Variants in RPS16 observed in about 807,000 individuals in gnomAD.
The protein encoded by RPS16 is ribosomal protein S16.
RPS16 carries 2 observed loss-of-function variants against 20.1 expected under a neutral mutation model. The observed-to-expected ratio is 0.10, with a 90% CI of 0.04 to 0.31. The LOEUF is 0.31. RPS16 is among the 10% of genes least tolerant of loss of function. The probability of loss-of-function intolerance (pLI) is 1.00; values close to 1 mark genes in which losing one functional copy is unlikely to be tolerated. For synonymous variants in RPS16, 95 were observed against 76.1 expected (o/e 1.25, Z -1.29); for missense variants, 129 against 198.6 (o/e 0.65, Z 2.11).
chr19:39,434,526 G>C (rs946283319), intron 2 of RPS16: 1 of 152,212 alleles, frequency 6.6e-6, no homozygotes, highest in African/African-American at 2.4e-5. Flanking sequence ...GCTACACAAA[G>C]GAAATCTCAG....
Position 39,434,091 on chromosome 19 carries a change from A to C in RPS16, c.151-330T>G, listed in dbSNP as rs893391104. ...AAGGCTGAACAGTAAGGAGCATTCCAATAGCTTCTGAAACTCCCAAGGCTG... is the reference window on the plus strand; with the variant it reads ...AAGGCTGAACAGTAAGGAGCATTCCCATAGCTTCTGAAACTCCCAAGGCTG... On this transcript the variant is annotated intron_variant, in intron 2 of 4. Transcript: ENST00000251453. The C allele has an allele frequency of 1.2e-5, 4 of 335,776 alleles. No homozygotes were observed. The Admixed American group carries it at 1.2e-4, about 10-fold the overall frequency. 20.8% of individuals were successfully genotyped at this position (335,776 alleles called of 1,614,324 possible). A position where few individuals can be genotyped will look rare whatever the true frequency, so the allele number is the denominator to read the frequency against.
intron 1 of RPS16, 70 bp from the exon 2 acceptor site, chr19:39,435,778 C>A: frequency 1.2e-6 from 2 of 1,607,144 alleles, no homozygotes; most frequent in Non-Finnish European, 1.7e-6. Context: ...CCCTAGATTC[C>A]TGCCCACCGA....
chr19:39,435,798 G>A (rs1455814135), intron 1 of RPS16, 50 bp downstream of exon 1: 1 of 1,608,750 alleles, frequency 6.2e-7, no homozygotes, highest in East Asian at 2.2e-5. Context: ...ACCTCTCCCA[G>A]ACCCTGGCCT....
rs1421830322 is a variant in RPS16 at position 39,435,919 on chromosome 19, C to T, written c.-24G>A. 3 of 1,603,026 alleles carry T rather than the reference C, an allele frequency of 1.9e-6. No individual in the cohort carries two copies. The highest frequency in any genetic ancestry group is 2.2e-5 in the East Asian group (1 of 44,880). On this transcript the variant is annotated 5_prime_UTR_variant, in exon 1 of 5. Coordinates refer to ENST00000251453, the MANE Select transcript of RPS16 (RefSeq NM_001020.6). The stretch of plus-strand genomic sequence containing the variant: ...ATGGCTCCGAGCGTGGACTAGACAA[C>T]CTCACCGCGCGGCGCCGCAACCGGA...
rs761627775 is a variant in RPS16, at chr19:39,433,461, AGT to A, written c.296-45_296-44del. 2.4e-4 allele frequency: 380 copies of A among 1,612,858 alleles called. 3 individuals are homozygous for A. The East Asian group carries it at 8.4e-3, about 36-fold the overall frequency. Reference sequence around the variant, plus strand: ...GACGAGGATTTAGATAATCACACAGAGTCCTTGACTTGATCCCCACACACCCA... The same window carrying A: ...GACGAGGATTTAGATAATCACACAGACCTTGACTTGATCCCCACACACCCA... On this transcript the variant is annotated intron_variant, in intron 4 of 4. Transcript: ENST00000251453.
chr19:39,433,806 C>G (rs1219140276), intron 2 of RPS16, 45 bp from the exon 3 acceptor site: 1 of 1,587,916 alleles, frequency 6.3e-7, no homozygotes, highest in Admixed American at 1.7e-5. Flanking sequence ...ACATGCTGGG[C>G]AGCTTAGCCA....
chr19:39,433,758 G>A lies in RPS16; in HGVS notation c.154C>T (p.Leu52=). ...IEPRTLQYKL[L]EPVLLLGKER... ...TTGCCGAGAAGCAGAACTGGCTCCA[G>A]CAGCTAAAGGAATGGGGAATGAACA... Residue 52 remains leucine, a synonymous_variant, in exon 3 of 5, where the codon CTG becomes TTG. Coordinates refer to ENST00000251453, the MANE Select transcript of RPS16 (RefSeq NM_001020.6). The A allele has an allele frequency of 6.2e-7, 1 of 1,613,934 alleles. No homozygotes were observed. The highest frequency in any genetic ancestry group is 1.3e-5 in the African/African-American group (1 of 75,044).
Position 39,435,649 on chromosome 19 carries a change from C to G in RPS16, c.108G>C (p.Gly36=), listed in dbSNP as rs1388198069. Residue 36 remains glycine (G), a synonymous_variant, in exon 2 of 5, where the codon GGG becomes GGC. Coordinates refer to ENST00000251453, the MANE Select transcript of RPS16 (RefSeq NM_001020.6). Reference sequence around the variant, plus strand: ...GCGGCTCAATCATCTCCAGGGGCCGCCCGTTCACCTTGATGAGACCATTGC... The same window carrying G: ...GCGGCTCAATCATCTCCAGGGGCCGGCCGTTCACCTTGATGAGACCATTGC... ...KRGNGLIKVN[G]RPLEMIEPRT... 1 of 1,614,088 alleles carries G rather than the reference C, an allele frequency of 6.2e-7. No individual in the cohort carries two copies. Among genetic ancestry groups the G allele is most frequent in the Admixed American group, 1.7e-5 (1 of 60,026 alleles).
At position 39,435,599 on chromosome 19, in the gene RPS16, C is replaced by T; in HGVS notation, c.150+8G>A. On this transcript the variant is annotated splice_region_variant and intron_variant, in intron 2 of 4. Coordinates refer to ENST00000251453, the MANE Select transcript of RPS16 (RefSeq NM_001020.6). ...CATCCACTCAACGCCGGTGCCGGAT[C>T]CCAGCACCTTGTACTGTAGCGTGCG... is the stretch of plus-strand genomic sequence containing the variant. 6.2e-7 allele frequency: 1 copy of T among 1,610,278 alleles called. No individual in the cohort carries two copies. The highest frequency in any genetic ancestry group is 8.5e-7 in the Non-Finnish European group (1 of 1,177,494).
intron 2 of RPS16, 120 bp downstream of exon 2, chr19:39,435,487 A>G (rs912195001): frequency 1.3e-6 from 1 of 750,836 alleles, no homozygotes; most frequent in Non-Finnish European, 2.2e-6. Flanking sequence ...ACTGTTCTAC[A>G]CCCAACACAA....
intron 2 of RPS16, chr19:39,435,333 C>T (rs1010742377): frequency 1.3e-5 from 6 of 463,326 alleles, no homozygotes; most frequent in African/African-American, 7.9e-5. Flanking sequence ...TAGTCGGTGT[C>T]CCTTCACCCT....
intron 2 of RPS16, chr19:39,434,697 T>C (rs1177958344): frequency 2.0e-5 from 3 of 152,142 alleles, no homozygotes; most frequent in African/African-American, 7.2e-5. Context: ...GATGTGCCTG[T>C]AGTCTTGGCA....
At chr19:39,435,798 GACCCT>G (rs2078859351) in intron 1 of RPS16, 45 bp downstream of exon 1, 1 of 1,608,632 alleles carries the variant, frequency 6.2e-7, no homozygotes, top group Admixed American at 1.7e-5. Flanking sequence ...ACCTCTCCCA[GACCCT>G]GGCCTTCTCC....
At chr19:39,435,556 C>CT (rs2078856754) in intron 2 of RPS16, 51 bp downstream of exon 2, 1 of 1,479,176 alleles carries the variant, frequency 6.8e-7, no homozygotes, top group Non-Finnish European at 9.4e-7. Context: ...TACAACATCT[C>CT]TGTCTCCAAG....
intron 2 of RPS16, chr19:39,434,753 C>T (rs1052567931): frequency 1.3e-5 from 2 of 152,164 alleles, no homozygotes; most frequent in African/African-American, 4.8e-5. Context: ...GAGTTTAAGG[C>T]TGCAGTTCAT....
chr19:39,435,209 G>A (rs1399447995), intron 2 of RPS16: 1 of 184,516 alleles, frequency 5.4e-6, no homozygotes, highest in African/African-American at 2.4e-5. Flanking sequence ...TGAGGCAGGA[G>A]AATCGCTTTA....
rs144170206 is a variant in RPS16 at position 39,435,891 on chromosome 19, G to T, written c.5C>A (p.Pro2Gln). 7.5e-6 allele frequency: 12 copies of T among 1,605,846 alleles called. No homozygotes were observed. Among genetic ancestry groups the T allele is most frequent in the Middle Eastern group, 1.6e-4 (1 of 6,082 alleles). Residue 2 changes from proline to glutamine, a missense_variant, in exon 1 of 5, where the codon CCG becomes CAG. Transcript: ENST00000251453. ...CACAGACTGCAGCGGGCCCTTGGACGGCATGGCTCCGAGCGTGGACTAGAC... is the reference window on the plus strand; with the variant it reads ...CACAGACTGCAGCGGGCCCTTGGACTGCATGGCTCCGAGCGTGGACTAGAC... M[P>Q]SKGPLQSVQV... is the part of the protein sequence containing the mutation.
rs897122381 is a variant in RPS16 at position 39,433,875 on chromosome 19, G to T, written c.151-114C>A. On this transcript the variant is annotated intron_variant, in intron 2 of 4. Transcript: ENST00000251453. ...CACCACTGGCCTTCAAGTACTAGTG[G>T]ATGGGGGTCAGGGTGTCACTCCAAG... 10 of 977,868 alleles carry T rather than the reference G, an allele frequency of 1.0e-5. No homozygotes were observed. The African/African-American group carries it at 1.3e-4, about 13-fold the overall frequency. The allele number at this position is 977,868 out of a possible 1,614,324, so 60.6% of individuals were successfully genotyped here.
At chr19:39,435,766 C>A (rs2078859073) in intron 1 of RPS16, 58 bp from the exon 2 acceptor site, 1 of 1,605,110 alleles carries the variant, frequency 6.2e-7, no homozygotes, top group Non-Finnish European at 8.5e-7. Context: ...TCCCATGTTA[C>A]CCCCTAGATT....
Sources: gnomAD v4.1 joint callset for allele counts on GRCh38, gnomAD v4.1.1 for gene constraint, MANE v1.5 for transcripts, NCBI Gene and HGNC (gene_info 2026-07-23, HGNC 2026-07-21) for gene names.